The following IGF1R variants were observed in gnomAD, a reference collection of about 807,000 sequenced individuals.
The protein encoded by IGF1R is insulin like growth factor 1 receptor.
In IGF1R, 44 loss-of-function variants were observed where a neutral mutation model predicts 144.6. The observed-to-expected ratio is 0.30, with a 90% CI of 0.24 to 0.39. The LOEUF (loss-of-function observed/expected upper bound fraction) is 0.39. Among genes scored for constraint, IGF1R ranks in the 10% least tolerant of loss-of-function variants. The pLI is 1.00. For synonymous variants in IGF1R, 795 were observed against 722.8 expected, an observed-to-expected ratio of 1.10 and a Z score of -1.60; for missense variants, 1,355 against 1,833.7, an observed-to-expected ratio of 0.74 and a Z score of 4.77.
chr15:98,829,567 A>G (rs1290618389), intron 2 of IGF1R, among the ~76,000 whole-genome samples: 1 of 152,120 alleles, frequency 6.6e-6, no homozygotes. Context: ...CGTTTTGTGG[A>G]ATAATTTTTA....
In IGF1R at chr15:98,960,862, G is replaced by C. The variant is rs556327825; in HGVS notation, c.*3420G>C. The C allele has an allele frequency of 4.3e-6, 1 of 233,912 alleles. No individual in the cohort carries two copies. The highest frequency in any genetic ancestry group is 8.5e-6 in the Non-Finnish European group (1 of 118,238). 14.5% of individuals were successfully genotyped at this position (233,912 alleles called of 1,614,324 possible). A position where few individuals can be genotyped will look rare whatever the true frequency, so the allele number is the denominator to read the frequency against. On this transcript the variant is annotated 3_prime_UTR_variant, in exon 21 of 21. Coordinates refer to ENST00000650285, the MANE Select transcript of IGF1R (RefSeq NM_000875.5). ...TAGACAGAGATGTACCAAACCTTCC[G>C]GCTGGAAAGCCCAGTGGCCGGCGCC...
At chr15:98,721,223 T>C (rs1282157157) in intron 2 of IGF1R, among the ~76,000 whole-genome samples, 1 of 152,226 alleles carries the variant, frequency 6.6e-6, no homozygotes, top group African/African-American at 2.4e-5. Context: ...GTTGCTTTTG[T>C]GCTCATCCAT....
intron 2 of IGF1R, among the ~76,000 whole-genome samples, chr15:98,769,671 A>G: frequency 6.6e-6 from 1 of 152,234 alleles, no homozygotes; most frequent in Non-Finnish European, 1.5e-5. Flanking sequence ...TTTGTGAGAA[A>G]GGGTTTAATT....
intron 2 of IGF1R, among the ~76,000 whole-genome samples, chr15:98,822,585 A>T (rs1435717240): frequency 2.0e-5 from 3 of 152,178 alleles, no homozygotes. Flanking sequence ...TGGGTTATAA[A>T]GCTTCTTATT....
chr15:98,924,163 C>A, intron 12 of IGF1R, 151 bp downstream of exon 12: 1 of 800,438 alleles, frequency 1.2e-6, no homozygotes, highest in Non-Finnish European at 2.1e-6. Context: ...TTTCTACCCA[C>A]TCTGTACTCT....
chr15:98,719,674 C>T (rs80103249), intron 2 of IGF1R, among the ~76,000 whole-genome samples: 3 of 152,264 alleles, frequency 2.0e-5, no homozygotes, highest in Admixed American at 6.5e-5. Context: ...GCAGTGATGA[C>T]GGCTGTCGTG....
rs539838615 is a variant in IGF1R, at chr15:98,816,857, C to T, written c.641-74468C>T. Reference sequence around the variant, plus strand: ...GGCACATTCTCATAACCATGTGGCTCCAGAAAGCTGCCTGACTCAGAGAAT... The same window carrying T: ...GGCACATTCTCATAACCATGTGGCTTCAGAAAGCTGCCTGACTCAGAGAAT... On this transcript the variant is annotated intron_variant, in intron 2 of 20. Coordinates refer to ENST00000650285, the MANE Select transcript of IGF1R (RefSeq NM_000875.5). Among the ~76,000 whole-genome samples the T allele has an allele frequency of 2.0e-5, 3 of 152,272 alleles. 1 individual carries two copies. Among genetic ancestry groups the T allele is most frequent in the African/African-American group, 4.8e-5 (2 of 41,558 alleles).
intron 2 of IGF1R, among the ~76,000 whole-genome samples, chr15:98,845,811 C>G (rs1177525861): frequency 6.6e-6 from 1 of 152,124 alleles, no homozygotes; most frequent in Non-Finnish European, 1.5e-5. Flanking sequence ...TTTTTAAAAA[C>G]TCTTCTAAGA....
chr15:98,954,183 A>AGAATACGGAGGCAC (rs1216717024), intron 20 of IGF1R: 1 of 152,228 alleles, frequency 6.6e-6, no homozygotes, highest in Non-Finnish European at 1.5e-5. Context: ...GAGTGAAGTG[A>AGAATACGGAGGCAC]GAATACGGAG....
At chr15:98,758,865 A>G (rs937641651) in intron 2 of IGF1R, among the ~76,000 whole-genome samples, 2 of 152,172 alleles carry the variant, frequency 1.3e-5, no homozygotes, top group African/African-American at 4.8e-5. Flanking sequence ...TAAAGACTAT[A>G]TTTGTGTACA....
At chr15:98,804,204 T>C (rs2056423697) in intron 2 of IGF1R, among the ~76,000 whole-genome samples, 1 of 152,212 alleles carries the variant, frequency 6.6e-6, no homozygotes, top group Non-Finnish European at 1.5e-5. Context: ...GGAAGAACAC[T>C]GAGGAAATGC....
Position 98,708,068 on chromosome 15 carries a change from T to G in IGF1R, c.601T>G (p.Tyr201Asp). The G allele has an allele frequency of 6.2e-7, 1 of 1,613,930 alleles. No individual in the cohort carries two copies. The highest frequency in any genetic ancestry group is 8.5e-7 in the Non-Finnish European group (1 of 1,180,002). ...TGAGAAGACCACCATCAACAATGAG[T>G]ACAACTACCGCTGCTGGACCACAAA... Reference protein sequence around the residue: ...MCEKTTINNEYNYRCWTTNRC... With the variant: ...MCEKTTINNEDNYRCWTTNRC... The change falls in exon 2 of 21, where the codon TAC becomes GAC. Residue 201 changes from tyrosine (Y) to aspartate (D), a missense_variant. Around this residue, in one of 7 missense-constraint regions of IGF1R, gnomAD observed 880 missense variants for 1,202.7 expected, o/e 0.73. Coordinates refer to ENST00000650285, the MANE Select transcript of IGF1R (RefSeq NM_000875.5).
At chr15:98,667,104 G>C (rs534280309) in intron 1 of IGF1R, among the ~76,000 whole-genome samples, 1 of 152,078 alleles carries the variant, frequency 6.6e-6, no homozygotes, top group East Asian at 1.9e-4. Flanking sequence ...CAGATGGAAT[G>C]GGTCTGTTTT....
intron 1 of IGF1R, among the ~76,000 whole-genome samples, chr15:98,686,030 A>G (rs2053319520): frequency 6.6e-6 from 1 of 152,206 alleles, no homozygotes; most frequent in Non-Finnish European, 1.5e-5. Flanking sequence ...TGTCCATCAA[A>G]CAACTCCCCA....
chr15:98,963,791 C>T lies in IGF1R; in HGVS notation c.*6349C>T, dbSNP rs1472142974. The T allele has an allele frequency of 4.3e-6, 1 of 232,904 alleles. No individual in the cohort carries two copies. The highest frequency in any genetic ancestry group is 2.2e-5 in the African/African-American group (1 of 45,438). 14.4% of individuals were successfully genotyped at this position (232,904 alleles called of 1,614,324 possible). A position where few individuals can be genotyped will look rare whatever the true frequency, so the allele number is the denominator to read the frequency against. ...ACCCCGAAGATACGTATTTCCAATA[C>T]AGAAAAGAATTTTTAATAAAAACTA... On this transcript the variant is annotated 3_prime_UTR_variant, in exon 21 of 21. Transcript: ENST00000650285.
chr15:98,792,900 C>T (rs542493729), intron 2 of IGF1R, among the ~76,000 whole-genome samples: 24 of 152,318 alleles, frequency 1.6e-4, no homozygotes, highest in African/African-American at 5.5e-4. Context: ...GGCTTCTGAA[C>T]TGGATGTTTC....
chr15:98,738,686 T>A (rs565118080), intron 2 of IGF1R, among the ~76,000 whole-genome samples: 1 of 152,296 alleles, frequency 6.6e-6, no homozygotes, highest in African/African-American at 2.4e-5. Context: ...CTATTAAGGT[T>A]ATAAAAGACC....
At chr15:98,896,188 G>A (rs41410345) in intron 3 of IGF1R, among the ~76,000 whole-genome samples, 6,728 of 152,226 alleles carry the variant, frequency 0.044, 460 homozygotes, top group African/African-American at 0.15. Flanking sequence ...AAATAATTTC[G>A]GTTGTGCTTT....
intron 2 of IGF1R, among the ~76,000 whole-genome samples, chr15:98,808,751 C>G (rs1380548509): frequency 1.3e-5 from 2 of 151,044 alleles, no homozygotes; most frequent in Non-Finnish European, 2.9e-5. Context: ...GCGGTCATAG[C>G]CCACTGCAAG....
Sources: allele counts gnomAD v4.1 joint callset (sites outside exome capture counted in the v4.1 genomes callset), GRCh38; gene constraint gnomAD v4.1.1; regional missense constraint gnomAD v4.1.1; transcripts MANE v1.5; gene names NCBI Gene and HGNC (gene_info 2026-07-23, HGNC 2026-07-21).